Variants in ITGBL1 observed in about 807,000 individuals in gnomAD.
ITGBL1 encodes integrin subunit beta like 1.
ITGBL1 carries 51 observed loss-of-function variants against 68.5 expected under a neutral mutation model. The observed-to-expected ratio is 0.74, with a 90% CI of 0.59 to 0.94. The LOEUF is 0.94. Ranked by LOEUF, ITGBL1 falls within the 40% of genes least tolerant of loss-of-function variation. The pLI is 0.00. For synonymous variants in ITGBL1, 209 were observed against 227.3 expected (o/e 0.92, Z 0.72); for missense variants, 649 against 647.4 (o/e 1.00, Z -0.03).
chr13:101,527,974 A>C (rs2049408246), intron 2 of ITGBL1, among the ~76,000 whole-genome samples: 1 of 151,780 alleles, frequency 6.6e-6, no homozygotes, highest in Non-Finnish European at 1.5e-5. Flanking sequence ...CTTGCCTTTT[A>C]CTTTTCTTAT....
intron 8 of ITGBL1, among the ~76,000 whole-genome samples, chr13:101,705,992 G>A (rs946031981): frequency 1.3e-5 from 2 of 152,290 alleles, no homozygotes; most frequent in South Asian, 2.1e-4. Context: ...ATAAAGGGTC[G>A]AGCGGAAACT....
chr13:101,569,567 T>C (rs1420292292), intron 3 of ITGBL1, among the ~76,000 whole-genome samples: 4 of 152,136 alleles, frequency 2.6e-5, no homozygotes, highest in Non-Finnish European at 4.4e-5. Context: ...ATTCAGACTA[T>C]TGAAAATGTT....
chr13:101,589,049 G>T (rs1256012447), intron 6 of ITGBL1, among the ~76,000 whole-genome samples: 1 of 152,086 alleles, frequency 6.6e-6, no homozygotes, highest in Non-Finnish European at 1.5e-5. Context: ...ACTTAAAGTG[G>T]TATCTCTAAT....
At chr13:101,507,967 C>A (rs1173093985) in intron 2 of ITGBL1, among the ~76,000 whole-genome samples, 2 of 152,078 alleles carry the variant, frequency 1.3e-5, no homozygotes, top group Non-Finnish European at 2.9e-5. Context: ...TTTGTCTGGA[C>A]CTCTCTTTCT....
chr13:101,677,106 A>G (rs916621345), intron 7 of ITGBL1, among the ~76,000 whole-genome samples: 2 of 152,204 alleles, frequency 1.3e-5, no homozygotes, highest in Non-Finnish European at 2.9e-5. Context: ...CCTGGGCGAC[A>G]GAGCGAGACT....
intron 7 of ITGBL1, among the ~76,000 whole-genome samples, chr13:101,643,171 T>C (rs1342117359): frequency 1.3e-4 from 20 of 151,822 alleles, no homozygotes; most frequent in African/African-American, 3.6e-4. Flanking sequence ...GCCATTTTCA[T>C]GATATTGATT....
At chr13:101,640,126 A>G (rs1184926671) in intron 7 of ITGBL1, among the ~76,000 whole-genome samples, 1 of 152,194 alleles carries the variant, frequency 6.6e-6, no homozygotes, top group Non-Finnish European at 1.5e-5. Flanking sequence ...CAACTTTCAG[A>G]AAGACAAGAA....
chr13:101,640,686 T>A (rs1168206389), intron 7 of ITGBL1, among the ~76,000 whole-genome samples: 1 of 152,158 alleles, frequency 6.6e-6, no homozygotes, highest in East Asian at 1.9e-4. Flanking sequence ...GGGTACACTG[T>A]GTGATGTCAA....
chr13:101,694,329 T>A (rs1566793976), intron 8 of ITGBL1, among the ~76,000 whole-genome samples: 4 of 152,214 alleles, frequency 2.6e-5, no homozygotes, highest in Admixed American at 2.0e-4. Flanking sequence ...TATGTATATA[T>A]ACGTATTCAT....
chr13:101,648,957 T>C (rs1440003519), intron 7 of ITGBL1, among the ~76,000 whole-genome samples: 2 of 151,108 alleles, frequency 1.3e-5, no homozygotes, highest in African/African-American at 2.5e-5. Context: ...TTTCTCTGTA[T>C]ATGCATGATA....
chr13:101,692,965 C>T (rs1010019817), intron 8 of ITGBL1: 3 of 301,128 alleles, frequency 1.0e-5, no homozygotes, highest in East Asian at 5.9e-5. Context: ...ACTTTATGAT[C>T]GTGAAAGGTT....
At chr13:101,706,439 C>T (rs767317314) in intron 8 of ITGBL1, among the ~76,000 whole-genome samples, 1 of 152,122 alleles carries the variant, frequency 6.6e-6, no homozygotes, top group Admixed American at 6.5e-5. Flanking sequence ...TGAAGAATAG[C>T]GCTAAGACTC....
chr13:101,615,626 C>T (rs1022174726), intron 7 of ITGBL1, among the ~76,000 whole-genome samples: 2 of 151,886 alleles, frequency 1.3e-5, no homozygotes, highest in Admixed American at 6.6e-5. Context: ...GGGAATGGTG[C>T]TCTTACAAAA....
In ITGBL1 at chr13:101,595,241, C is replaced by T. The variant is rs112128073; in HGVS notation, c.869-2912C>T. 7.9e-5 allele frequency among the ~76,000 whole-genome samples: 12 copies of T among 152,002 alleles called. No homozygotes were observed. The South Asian group carries it at 1.5e-3, about 18-fold the overall frequency. ...GAGGCAGAGCTAGTGCATCACATGG[C>T]GAGAGAGAGGAAGACAGAGGGAACA... On this transcript the variant is annotated intron_variant, in intron 6 of 10. Transcript: ENST00000376180.
chr13:101,719,882 G>A (rs1168429869), downstream of ITGBL1: 2 of 151,978 alleles, frequency 1.3e-5, no homozygotes, highest in Admixed American at 1.3e-4. Flanking sequence ...AAAAAATGGC[G>A]AAGTCTTATC....
chr13:101,606,449 G>A (rs1383212946), intron 7 of ITGBL1, among the ~76,000 whole-genome samples: 4 of 151,654 alleles, frequency 2.6e-5, no homozygotes, highest in Non-Finnish European at 4.4e-5. Flanking sequence ...GTTCCTGGGA[G>A]TAAAGGTGGG....
chr13:101,695,697 C>T (rs1440321986), intron 8 of ITGBL1, among the ~76,000 whole-genome samples: 4 of 152,096 alleles, frequency 2.6e-5, no homozygotes, highest in Non-Finnish European at 5.9e-5. Flanking sequence ...ATGTTAGAAG[C>T]AGTGGGGTCA....
chr13:101,635,712 T>G (rs1448550535), intron 7 of ITGBL1, among the ~76,000 whole-genome samples: 1 of 152,068 alleles, frequency 6.6e-6, no homozygotes, highest in Non-Finnish European at 1.5e-5. Flanking sequence ...CTCCAGTAAC[T>G]AATGTAGACC....
intron 2 of ITGBL1, among the ~76,000 whole-genome samples, chr13:101,525,499 A>C (rs2049360126): frequency 6.9e-6 from 1 of 145,482 alleles, no homozygotes; most frequent in Non-Finnish European, 1.5e-5. Flanking sequence ...CTGGCCTTAG[A>C]TTACTCTGCA....
Sources: allele counts gnomAD v4.1 joint callset (sites outside exome capture counted in the v4.1 genomes callset), GRCh38; gene constraint gnomAD v4.1.1; transcripts MANE v1.5; gene names NCBI Gene and HGNC (gene_info 2026-07-23, HGNC 2026-07-21).